RBMS1: variants seen among roughly 807,000 people sequenced by gnomAD.
RBMS1 encodes the protein RNA-binding motif, single-stranded-interacting protein 1.
In RBMS1, 17 loss-of-function variants were observed where a neutral mutation model predicts 62.3. The ratio of observed to expected loss-of-function variants is 0.27; its 90% confidence interval spans 0.19 to 0.41. RBMS1 has a LOEUF of 0.41. RBMS1 is among the 10% of genes least tolerant of loss of function. The probability of loss-of-function intolerance (pLI) is 1.00; values close to 1 mark genes in which losing one functional copy is unlikely to be tolerated. For synonymous variants in RBMS1, 172 were observed against 170.0 expected (o/e 1.01, Z -0.09); for missense variants, 334 against 504.5 (o/e 0.66, Z 3.24).
intron 2 of RBMS1, among the ~76,000 whole-genome samples, chr2:160,322,494 T>A (rs528332008): frequency 6.6e-6 from 1 of 152,338 alleles, no homozygotes; most frequent in African/African-American, 2.4e-5. Flanking sequence ...TTTATCAGTT[T>A]TACTTTCTAT....
chr2:160,467,437 G>A lies in RBMS1; in HGVS notation c.75+25852C>T, dbSNP rs989129971. 3.3e-5 allele frequency among the ~76,000 whole-genome samples: 5 copies of A among 152,270 alleles called. No individual in the cohort carries two copies. In the East Asian group the frequency reaches 5.8e-4, roughly 18 times the overall value. On this transcript the variant is annotated intron_variant, in intron 1 of 13. Transcript: ENST00000348849. ...CTTATGCACAGCAAGGAACAGTGAC[G>A]AAAGAAACTACAGCCAAGTTTGTTT...
chr2:160,459,594 T>A (rs1684381509), intron 1 of RBMS1, among the ~76,000 whole-genome samples: 1 of 152,242 alleles, frequency 6.6e-6, no homozygotes, highest in Admixed American at 6.5e-5. Flanking sequence ...TCCACATTTA[T>A]CATTATTAAC....
intron 5 of RBMS1, 145 bp from the exon 6 acceptor site, chr2:160,300,875 A>C (rs1689173766): frequency 2.3e-6 from 2 of 888,550 alleles, no homozygotes; most frequent in Non-Finnish European, 3.1e-6. Context: ...GGTCTATTCT[A>C]CCTTTTATCT....
intron 1 of RBMS1, among the ~76,000 whole-genome samples, chr2:160,409,646 T>C (rs988149706): frequency 6.6e-6 from 1 of 152,174 alleles, no homozygotes; most frequent in African/African-American, 2.4e-5. Context: ...CGTCTGTGCA[T>C]CTATGGAAAA....
chr2:160,342,365 T>A (rs1691917074), intron 2 of RBMS1, among the ~76,000 whole-genome samples: 1 of 152,126 alleles, frequency 6.6e-6, no homozygotes, highest in Non-Finnish European at 1.5e-5. Flanking sequence ...GTTCAAACAG[T>A]CAAGTCTCCT....
intron 1 of RBMS1, among the ~76,000 whole-genome samples, chr2:160,420,098 G>T (rs1258172734): frequency 6.6e-6 from 1 of 152,048 alleles, no homozygotes; most frequent in African/African-American, 2.4e-5. Context: ...ACTCCAAATT[G>T]TTGTATACCC....
chr2:160,409,153 T>A (rs1452412514), intron 1 of RBMS1, among the ~76,000 whole-genome samples: 2 of 152,152 alleles, frequency 1.3e-5, no homozygotes, highest in African/African-American at 4.8e-5. Context: ...CTAGATATCC[T>A]GCTGGTGACT....
intron 1 of RBMS1, among the ~76,000 whole-genome samples, chr2:160,456,103 T>C (rs938106196): frequency 2.0e-5 from 3 of 152,164 alleles, no homozygotes; most frequent in Non-Finnish European, 4.4e-5. Context: ...CTACAGGCAA[T>C]GTGAAAAGAG....
intron 2 of RBMS1, 143 bp from the exon 3 acceptor site, chr2:160,318,370 T>G: frequency 8.0e-7 from 1 of 1,248,910 alleles, no homozygotes; most frequent in Non-Finnish European, 1.1e-6. Context: ...TTTTCTTTAC[T>G]AAGAGACAGG....
intron 1 of RBMS1, among the ~76,000 whole-genome samples, chr2:160,389,868 A>G (rs1224618189): frequency 1.3e-5 from 2 of 152,004 alleles, no homozygotes; most frequent in African/African-American, 4.8e-5. Context: ...GAGGAGAGGA[A>G]AATTTTACCA....
intron 2 of RBMS1, among the ~76,000 whole-genome samples, chr2:160,364,276 T>C (rs1693282639): frequency 6.6e-6 from 1 of 152,186 alleles, no homozygotes; most frequent in African/African-American, 2.4e-5. Context: ...AGATAACCTC[T>C]TAGAAATAGG....
At chr2:160,421,134 A>T (rs986367158) in intron 1 of RBMS1, among the ~76,000 whole-genome samples, 2 of 151,292 alleles carry the variant, frequency 1.3e-5, no homozygotes, top group Non-Finnish European at 3.0e-5. Context: ...ACTCTAACTT[A>T]TTCTTTTTTC....
intron 1 of RBMS1, among the ~76,000 whole-genome samples, chr2:160,402,823 G>A (rs2105234720): frequency 6.6e-6 from 1 of 152,192 alleles, no homozygotes; most frequent in South Asian, 2.1e-4. Context: ...TCTCTATATG[G>A]ATGCTATGAA....
At chr2:160,308,017 CA>C (rs1357971868) in intron 4 of RBMS1, among the ~76,000 whole-genome samples, 1 of 152,102 alleles carries the variant, frequency 6.6e-6, no homozygotes, top group Non-Finnish European at 1.5e-5. Flanking sequence ...TAATATATGG[CA>C]ATATGAATTT....
chr2:160,438,694 A>G (rs1683226825), intron 1 of RBMS1, among the ~76,000 whole-genome samples: 1 of 152,230 alleles, frequency 6.6e-6, no homozygotes, highest in Non-Finnish European at 1.5e-5. Flanking sequence ...CCGATTTCTC[A>G]GTCTTTTCCC....
intron 1 of RBMS1, among the ~76,000 whole-genome samples, chr2:160,486,926 A>G (rs1277642373): frequency 1.3e-5 from 2 of 152,202 alleles, no homozygotes; most frequent in Non-Finnish European, 2.9e-5. Context: ...TCAAAGTTAT[A>G]TTTCTGTATA....
intron 3 of RBMS1, among the ~76,000 whole-genome samples, chr2:160,314,583 T>C (rs77427654): frequency 6.6e-4 from 100 of 152,284 alleles, no homozygotes; most frequent in African/African-American, 1.9e-3. Context: ...ACCAAAAATA[T>C]TGCCTGGTAA....
At chr2:160,323,470 CCT>C (rs1413012702) in intron 2 of RBMS1, among the ~76,000 whole-genome samples, 2 of 151,364 alleles carry the variant, frequency 1.3e-5, no homozygotes, top group African/African-American at 2.4e-5. Context: ...AGTGAGACCC[CCT>C]GTTTAAAAAA....
At chr2:160,480,520 A>G (rs561180774) in intron 1 of RBMS1, among the ~76,000 whole-genome samples, 4 of 152,228 alleles carry the variant, frequency 2.6e-5, no homozygotes, top group Non-Finnish European at 5.9e-5. Context: ...TAAAACAATA[A>G]CTTTTGTGTT....
Sources: allele counts gnomAD v4.1 joint callset (sites outside exome capture counted in the v4.1 genomes callset), GRCh38; gene constraint gnomAD v4.1.1; transcripts MANE v1.5; gene names NCBI Gene and HGNC (gene_info 2026-07-23, HGNC 2026-07-21).